The following MYRIP variants were observed in gnomAD, a reference collection of about 807,000 sequenced individuals.
MYRIP encodes myosin VIIA and Rab interacting protein, also known as rab effector MyRIP.
A neutral mutation model predicts 98.0 loss-of-function variants in MYRIP; 49 were observed. That is an observed-to-expected ratio of 0.50 (90% CI 0.40 to 0.63). The LOEUF (loss-of-function observed/expected upper bound fraction) is 0.63, where lower values mean the gene tolerates loss of function less well. Ranked by LOEUF, MYRIP falls within the 30% of genes least tolerant of loss-of-function variation. MYRIP has a pLI of 0.00. For missense variants in MYRIP, 1,004 were observed against 1,058.2 expected, an observed-to-expected ratio of 0.95 and a Z score of 0.71; for synonymous variants, 404 against 409.5, an observed-to-expected ratio of 0.99 and a Z score of 0.16.
intron 3 of MYRIP, among the ~76,000 whole-genome samples, chr3:40,077,915 C>T (rs969621904): frequency 1.3e-5 from 2 of 152,258 alleles, no homozygotes; most frequent in African/African-American, 2.4e-5. Context: ...CCGCGCCCTG[C>T]GCCCTGCGCC....
At chr3:39,973,527 G>A (rs1945657788) in intron 2 of MYRIP, among the ~76,000 whole-genome samples, 1 of 152,090 alleles carries the variant, frequency 6.6e-6, no homozygotes, top group African/African-American at 2.4e-5. Flanking sequence ...TCCAGGAACT[G>A]AACTCAGCTC....
intron 11 of MYRIP, among the ~76,000 whole-genome samples, chr3:40,224,073 G>A (rs957188069): frequency 2.6e-5 from 4 of 152,150 alleles, no homozygotes; most frequent in Non-Finnish European, 4.4e-5. Context: ...AGCCAAGGTG[G>A]CTAGAGCAAT....
intron 2 of MYRIP, among the ~76,000 whole-genome samples, chr3:39,958,389 A>G (rs909804772): frequency 1.3e-5 from 2 of 152,062 alleles, no homozygotes; most frequent in African/African-American, 4.8e-5. Flanking sequence ...GCTACAACCA[A>G]CTGATCTTTG....
At chr3:40,128,766 T>C (rs555264873) in intron 3 of MYRIP, among the ~76,000 whole-genome samples, 1 of 152,342 alleles carries the variant, frequency 6.6e-6, no homozygotes, top group African/African-American at 2.4e-5. Context: ...TCAGGAGGTA[T>C]ACTTCATTTT....
intron 2 of MYRIP, among the ~76,000 whole-genome samples, chr3:39,978,398 G>T (rs1402401394): frequency 2.6e-5 from 4 of 152,168 alleles, no homozygotes; most frequent in African/African-American, 9.7e-5. Context: ...AGCCATCTGT[G>T]CTGTGGAGTG....
intron 2 of MYRIP, among the ~76,000 whole-genome samples, chr3:39,993,826 G>C (rs1946238822): frequency 6.6e-6 from 1 of 152,152 alleles, no homozygotes; most frequent in Non-Finnish European, 1.5e-5. Context: ...GAGAGGGAGG[G>C]ATAAGACTTT....
chr3:39,990,691 A>T (rs559182090), intron 2 of MYRIP, among the ~76,000 whole-genome samples: 189 of 152,316 alleles, frequency 1.2e-3, no homozygotes, highest in African/African-American at 4.0e-3. Context: ...TGTTCTGGTC[A>T]TCGTGGCCCA....
intron 1 of MYRIP, among the ~76,000 whole-genome samples, chr3:39,884,201 T>G (rs770448384): frequency 1.3e-5 from 2 of 152,046 alleles, no homozygotes; most frequent in South Asian, 2.1e-4. Context: ...AGCATCTACT[T>G]AGAATTTCAG....
chr3:39,844,928 C>T (rs1421143797), intron 1 of MYRIP, among the ~76,000 whole-genome samples: 2 of 152,224 alleles, frequency 1.3e-5, no homozygotes, highest in African/African-American at 4.8e-5. Context: ...GCCACCTGGA[C>T]TTGCTACTCA....
intron 4 of MYRIP, among the ~76,000 whole-genome samples, chr3:40,152,572 C>A (rs955463277): frequency 1.3e-5 from 2 of 152,152 alleles, no homozygotes; most frequent in South Asian, 2.1e-4. Context: ...AAGGAGAATT[C>A]TTTGCTAAGA....
chr3:40,148,517 G>A (rs980837645), intron 3 of MYRIP, among the ~76,000 whole-genome samples: 1 of 151,898 alleles, frequency 6.6e-6, no homozygotes, highest in African/African-American at 2.4e-5. Flanking sequence ...AATGTATGTT[G>A]ATTTTAACTT....
intron 2 of MYRIP, among the ~76,000 whole-genome samples, chr3:39,959,357 G>A (rs1348331251): frequency 6.6e-6 from 1 of 152,166 alleles, no homozygotes; most frequent in East Asian, 1.9e-4. Flanking sequence ...AAAAGGATGA[G>A]TTCATGTCCT....
intron 2 of MYRIP, among the ~76,000 whole-genome samples, chr3:40,011,522 G>A (rs1946759355): frequency 6.6e-6 from 1 of 152,146 alleles, no homozygotes; most frequent in Non-Finnish European, 1.5e-5. Context: ...CATTCTTTGA[G>A]CTTCTCTGTC....
intron 3 of MYRIP, among the ~76,000 whole-genome samples, chr3:40,048,579 A>C (rs943324000): frequency 2.4e-4 from 37 of 152,136 alleles, no homozygotes; most frequent in African/African-American, 8.9e-4. Flanking sequence ...AGACAGTGTC[A>C]AGTCTCTAAG....
chr3:40,211,703 C>T (rs1019513198), intron 11 of MYRIP, among the ~76,000 whole-genome samples: 24 of 152,328 alleles, frequency 1.6e-4, no homozygotes, highest in African/African-American at 5.5e-4. Flanking sequence ...TTATCTCCCA[C>T]TGGCTTTGCT....
intron 3 of MYRIP, among the ~76,000 whole-genome samples, chr3:40,124,108 A>C (rs1949468056): frequency 6.6e-6 from 1 of 152,148 alleles, no homozygotes. Context: ...TGAACAACTC[A>C]CCAAGACCAG....
At chr3:39,886,639 C>G (rs1006082613) in intron 1 of MYRIP, among the ~76,000 whole-genome samples, 4 of 151,986 alleles carry the variant, frequency 2.6e-5, no homozygotes, top group African/African-American at 7.3e-5. Flanking sequence ...GAAGAGCTAA[C>G]TATCCTAAAT....
chr3:40,202,291 C>A (rs773461238), intron 10 of MYRIP, among the ~76,000 whole-genome samples: 3 of 152,144 alleles, frequency 2.0e-5, no homozygotes, highest in Non-Finnish European at 4.4e-5. Context: ...CTGCCCTTTG[C>A]CTCCTGAAAC....
At chr3:40,028,093 G>A (rs1252861092) in intron 2 of MYRIP, among the ~76,000 whole-genome samples, 1 of 152,128 alleles carries the variant, frequency 6.6e-6, no homozygotes, top group African/African-American at 2.4e-5. Flanking sequence ...GCCCATGGCA[G>A]ACACTGCTAC....
Sources: gnomAD v4.1 joint callset for allele counts (sites outside exome capture counted in the v4.1 genomes callset) on GRCh38, gnomAD v4.1.1 for gene constraint, MANE v1.5 for transcripts, NCBI Gene and HGNC (gene_info 2026-07-23, HGNC 2026-07-21) for gene names.